VIT: variants seen among roughly 807,000 people sequenced by gnomAD.
VIT encodes the protein vitrin.
In VIT, 99 loss-of-function variants were observed where a neutral mutation model predicts 78.0. The ratio of observed to expected loss-of-function variants is 1.27; its 90% CI spans 1.08 to 1.50. VIT has a LOEUF of 1.50. Ranked by LOEUF, VIT falls within the 40% of genes most tolerant of loss-of-function variation. The probability of loss-of-function intolerance (pLI) is 0.00; values close to 1 mark genes in which losing one functional copy is unlikely to be tolerated. For synonymous variants in VIT, 374 were observed against 334.3 expected, an observed-to-expected ratio of 1.12 and a Z score of -1.29; for missense variants, 1,126 against 875.3, an observed-to-expected ratio of 1.29 and a Z score of -3.61.
chr2:36,793,109 C>T (rs1363326344), intron 12 of VIT, among the ~76,000 whole-genome samples: 1 of 152,058 alleles, frequency 6.6e-6, no homozygotes, highest in African/African-American at 2.4e-5. Flanking sequence ...CCAAGATGCC[C>T]CACTTCCCCA....
At chr2:36,793,540 C>T (rs1389157741) in intron 12 of VIT, among the ~76,000 whole-genome samples, 1 of 152,172 alleles carries the variant, frequency 6.6e-6, no homozygotes, top group South Asian at 2.1e-4. Flanking sequence ...CAGGTAATAC[C>T]CTCAAGGGAC....
intron 9 of VIT, among the ~76,000 whole-genome samples, chr2:36,777,314 G>C (rs1265873964): frequency 6.6e-6 from 1 of 151,766 alleles, no homozygotes; most frequent in Non-Finnish European, 1.5e-5. Flanking sequence ...TTAAATTTGA[G>C]AGCCTTTCAA....
intron 4 of VIT, among the ~76,000 whole-genome samples, chr2:36,754,382 G>A (rs774508572): frequency 8.5e-5 from 13 of 152,134 alleles, no homozygotes; most frequent in Admixed American, 5.2e-4. Flanking sequence ...GTCAGTCACC[G>A]TCCCATCAGG....
At chr2:36,812,411 G>A (rs559709184) in intron 15 of VIT, among the ~76,000 whole-genome samples, 154 of 151,236 alleles carry the variant, frequency 1.0e-3, no homozygotes, top group Admixed American at 1.2e-3. Context: ...AAGGTGGCGC[G>A]AGAATAGGCT....
intron 1 of VIT, among the ~76,000 whole-genome samples, chr2:36,712,006 C>T (rs1279629232): frequency 6.6e-6 from 1 of 152,142 alleles, no homozygotes; most frequent in Admixed American, 6.5e-5. Flanking sequence ...TTGTTAGAAC[C>T]CGGGTGAGCC....
At chr2:36,809,167 A>G (rs1259936164) in intron 15 of VIT, among the ~76,000 whole-genome samples, 182 bp downstream of exon 15, 1 of 152,154 alleles carries the variant, frequency 6.6e-6, no homozygotes, top group African/African-American at 2.4e-5. Flanking sequence ...GAGTAGGGAG[A>G]AGGAACAAGG....
At chr2:36,760,056 G>A (rs896944761) in intron 6 of VIT, among the ~76,000 whole-genome samples, 2 of 150,272 alleles carry the variant, frequency 1.3e-5, no homozygotes, top group Admixed American at 1.3e-4. Context: ...GTGCAGTGGT[G>A]CGATCTCAGC....
chr2:36,773,947 G>A (rs1381559162), intron 8 of VIT, 100 bp downstream of exon 8: 6 of 1,289,306 alleles, frequency 4.7e-6, no homozygotes, highest in Non-Finnish European at 5.2e-6. Context: ...ATTTGGACAA[G>A]GACTATTAAA....
chr2:36,752,310 G>C (rs879219319), intron 4 of VIT, among the ~76,000 whole-genome samples: 1 of 152,122 alleles, frequency 6.6e-6, no homozygotes, highest in Non-Finnish European at 1.5e-5. Context: ...CACTCTTCAC[G>C]CTGATCTCTG....
intron 2 of VIT, among the ~76,000 whole-genome samples, chr2:36,720,396 C>T (rs140793852): frequency 1.3e-5 from 2 of 152,140 alleles, no homozygotes; most frequent in African/African-American, 4.8e-5. Flanking sequence ...GGGGAAAGAA[C>T]AATCTCTTCA....
intron 1 of VIT, among the ~76,000 whole-genome samples, chr2:36,702,783 T>C (rs982349935): frequency 2.0e-5 from 3 of 152,162 alleles, no homozygotes; most frequent in African/African-American, 7.2e-5. Flanking sequence ...CCATAGGGCA[T>C]GTCTATGGGT....
intron 3 of VIT, among the ~76,000 whole-genome samples, chr2:36,742,804 A>G (rs1667913934): frequency 6.6e-6 from 1 of 152,166 alleles, no homozygotes. Flanking sequence ...TGGCCACTGG[A>G]GGTGGGTGGT....
At chr2:36,789,823 TACAA>T in intron 12 of VIT, among the ~76,000 whole-genome samples, 1 of 152,248 alleles carries the variant, frequency 6.6e-6, no homozygotes, top group Non-Finnish European at 1.5e-5. Flanking sequence ...AATGAGGCCC[TACAA>T]ACAAATGACC....
At chr2:36,786,342 C>G (rs1473099417) in intron 11 of VIT, among the ~76,000 whole-genome samples, 2 of 152,178 alleles carry the variant, frequency 1.3e-5, no homozygotes, top group Non-Finnish European at 2.9e-5. Context: ...TCATTCCTGT[C>G]TACCGCAAAG....
In VIT at chr2:36,774,087, G is replaced by C. The variant is rs72867879; in HGVS notation, c.736+240G>C. Among the ~76,000 whole-genome samples the C allele has an allele frequency of 3.7e-3, 560 of 152,292 alleles. 10 individuals carry two copies. The highest frequency in any genetic ancestry group is 0.013 in the African/African-American group (533 of 41,540). The stretch of plus-strand genomic sequence containing the variant: ...AAGCGAGTCTGTAGAGGTTGTGATA[G>C]GAATGTCTCAGGATTCAGTAACCGG... On this transcript the variant is annotated intron_variant, in intron 8 of 15. Transcript: ENST00000379242.
At chr2:36,716,261 CA>C in intron 1 of VIT, 91 bp from the exon 2 acceptor site, 1 of 1,013,592 alleles carries the variant, frequency 9.9e-7, no homozygotes. Context: ...GAGGGCAATG[CA>C]AAATGATGCA....
intron 1 of VIT, among the ~76,000 whole-genome samples, chr2:36,709,678 T>C (rs371545220): frequency 6.6e-6 from 1 of 151,980 alleles, no homozygotes; most frequent in Non-Finnish European, 1.5e-5. Flanking sequence ...GTGGTGAGGG[T>C]TGGTAAAGCA....
At chr2:36,807,607 G>T (rs1666825561) in intron 14 of VIT, among the ~76,000 whole-genome samples, 1 of 152,240 alleles carries the variant, frequency 6.6e-6, no homozygotes, top group African/African-American at 2.4e-5. Context: ...TACAAGGGTA[G>T]TTGTCTGGTC....
At chr2:36,726,392 C>T (rs1310226177) in intron 2 of VIT, among the ~76,000 whole-genome samples, 1 of 152,172 alleles carries the variant, frequency 6.6e-6, no homozygotes, top group Non-Finnish European at 1.5e-5. Flanking sequence ...TAAAAGTATT[C>T]ACATGAATAC....
Sources: gnomAD v4.1 joint callset for allele counts (sites outside exome capture counted in the v4.1 genomes callset) on GRCh38, gnomAD v4.1.1 for gene constraint, MANE v1.5 for transcripts, NCBI Gene and HGNC (gene_info 2026-07-23, HGNC 2026-07-21) for gene names.